Variants in COPA observed in about 807,000 individuals in gnomAD.
The protein encoded by COPA is coatomer subunit alpha.
Under a neutral mutation model 158.7 loss-of-function variants are expected in COPA, and 10 were observed. That is an observed-to-expected ratio of 0.06 (90% CI 0.04 to 0.11). The LOEUF (loss-of-function observed/expected upper bound fraction) is 0.11. Among genes scored for constraint, COPA ranks in the 10% least tolerant of loss-of-function variants. COPA has a pLI of 1.00. For missense variants in COPA, 1,065 were observed against 1,536.7 expected (o/e 0.69, Z 5.13); for synonymous variants, 462 against 542.8 (o/e 0.85, Z 2.07).
chr1:160,296,504 A>G (rs1433570406), intron 21 of COPA, among the ~76,000 whole-genome samples: 2 of 152,194 alleles, frequency 1.3e-5, no homozygotes, highest in Admixed American at 6.5e-5. Context: ...GAGCAAGGAC[A>G]TGGGGGCTGC....
chr1:160,337,313 A>G (rs1018484282), intron 3 of COPA, among the ~76,000 whole-genome samples: 1 of 152,244 alleles, frequency 6.6e-6, no homozygotes, highest in African/African-American at 2.4e-5. Flanking sequence ...CTAATGCTAC[A>G]TTTATCTGGA....
chr1:160,294,589 C>A lies in COPA; in HGVS notation c.2571G>T (p.Gly857=), dbSNP rs777771731. ...EDAELQLDED[G]FVEATEGLGD... ...CCAAACCTTCTGTAGCCTCCACAAA[C>A]CCATCTGTAAGGAAAATTCAAGCTC... Residue 857 remains glycine (G), a synonymous_variant, in exon 25 of 33, where the codon GGG becomes GGT. Transcript: ENST00000241704. The A allele has an allele frequency of 6.2e-7, 1 of 1,614,186 alleles. No individual in the cohort carries two copies. Among genetic ancestry groups the A allele is most frequent in the South Asian group, 1.1e-5 (1 of 91,082 alleles).
chr1:160,298,804 C>T (rs1374318602), intron 19 of COPA, 41 bp downstream of exon 19: 3 of 1,611,974 alleles, frequency 1.9e-6, no homozygotes, highest in Non-Finnish European at 8.5e-7. Flanking sequence ...AACTCTCTCA[C>T]CTCTAAGACA....
chr1:160,309,078 G>C, intron 13 of COPA, 23 bp downstream of exon 13: 1 of 1,590,124 alleles, frequency 6.3e-7, no homozygotes, highest in Non-Finnish European at 8.6e-7. Context: ...AAGCAGAGTG[G>C]GGTAGACAAA....
intron 17 of COPA, among the ~76,000 whole-genome samples, chr1:160,301,388 GA>G (rs1658597746): frequency 6.6e-6 from 1 of 152,144 alleles, no homozygotes; most frequent in Admixed American, 6.5e-5. Context: ...TCCAAAATCA[GA>G]AAAAAATCAG....
In COPA at chr1:160,289,334, A is replaced by G. The variant is rs1396447786; in HGVS notation, c.*823T>C. 6.6e-6 allele frequency: 1 copy of G among 152,208 alleles called. No homozygotes were observed. Among genetic ancestry groups the G allele is most frequent in the African/African-American group, 2.4e-5 (1 of 41,458 alleles). 9.4% of individuals were successfully genotyped at this position (152,208 alleles called of 1,614,324 possible). A position where few individuals can be genotyped will look rare whatever the true frequency, so the allele number is the denominator to read the frequency against. On this transcript the variant is annotated 3_prime_UTR_variant, in exon 33 of 33. Coordinates refer to ENST00000241704, the MANE Select transcript of COPA (RefSeq NM_004371.4). ...AATATGAGAACAATAGTTGTAAAGA[A>G]CAAATCAATAACCCGCAGTGTGCAT...
intron 6 of COPA, among the ~76,000 whole-genome samples, chr1:160,331,469 A>G (rs1234843237): frequency 1.3e-5 from 2 of 152,030 alleles, no homozygotes; most frequent in Non-Finnish European, 2.9e-5. Flanking sequence ...CCTGGCTAAC[A>G]TGGTGAAACC....
intron 13 of COPA, among the ~76,000 whole-genome samples, chr1:160,307,577 C>A (rs1388547077): frequency 6.6e-6 from 1 of 152,232 alleles, no homozygotes; most frequent in African/African-American, 2.4e-5. Flanking sequence ...CCTGGCCAAG[C>A]TGCGGCAAAG....
chr1:160,300,891 G>A (rs1487773764), intron 17 of COPA, among the ~76,000 whole-genome samples: 3 of 152,304 alleles, frequency 2.0e-5, no homozygotes, highest in East Asian at 1.9e-4. Context: ...GGCTGAGGCA[G>A]GCGGATCACC....
intron 28 of COPA, 93 bp downstream of exon 28, chr1:160,292,391 C>T (rs924033887): frequency 1.3e-6 from 2 of 1,599,012 alleles, no homozygotes; most frequent in African/African-American, 1.4e-5. Flanking sequence ...GAAACCCTAG[C>T]TCTGAGAGAA....
At chr1:160,332,103 C>G (rs1647555064) in intron 6 of COPA, among the ~76,000 whole-genome samples, 1 of 152,166 alleles carries the variant, frequency 6.6e-6, no homozygotes, top group Non-Finnish European at 1.5e-5. Context: ...AATCTATTCT[C>G]AAAATTTCTT....
intron 8 of COPA, among the ~76,000 whole-genome samples, chr1:160,320,856 C>T (rs183995917): frequency 2.1e-4 from 31 of 146,150 alleles, no homozygotes; most frequent in African/African-American, 6.8e-4. Flanking sequence ...TCTATGAGGC[C>T]AGCATTACTC....
At position 160,327,462 on chromosome 1, in the gene COPA, G is replaced by A. The variant is rs186332795; in HGVS notation, c.497-1810C>T. On this transcript the variant is annotated intron_variant, in intron 6 of 32. Transcript: ENST00000241704. Reference sequence around the variant, plus strand: ...TGAGGCAGGGGAATTGCTTGAACCCGGGGGGCGGGGCTGGGGGGGGCGCAG... The same window carrying A: ...TGAGGCAGGGGAATTGCTTGAACCCAGGGGGCGGGGCTGGGGGGGGCGCAG... Among the ~76,000 whole-genome samples the A allele has an allele frequency of 3.7e-3, 555 of 150,720 alleles. 2 individuals are homozygous for A. Among genetic ancestry groups the A allele is most frequent in the Non-Finnish European group, 6.2e-3 (417 of 67,672 alleles).
At chr1:160,340,067 C>A (rs762744552) in intron 2 of COPA, 85 bp from the exon 3 acceptor site, 52 of 1,533,076 alleles carry the variant, frequency 3.4e-5, no homozygotes, top group Middle Eastern at 3.4e-4. Context: ...TTTTTCAGTT[C>A]TATCATTTCC....
chr1:160,331,835 C>T (rs560921608), intron 6 of COPA, among the ~76,000 whole-genome samples: 1 of 152,058 alleles, frequency 6.6e-6, no homozygotes, highest in East Asian at 1.9e-4. Flanking sequence ...GTAGTCCCAG[C>T]TACTCAGGAG....
In COPA at chr1:160,293,371, T is replaced by C. The variant is rs369096293; in HGVS notation, c.2754+15A>G. ...AGCCACTCATCCCTGCCGTGCTAGGTTTCTTCCCGCTTACCTGAGTTGGAC... is the reference window on the plus strand; with the variant it reads ...AGCCACTCATCCCTGCCGTGCTAGGCTTCTTCCCGCTTACCTGAGTTGGAC... On this transcript the variant is annotated intron_variant, in intron 26 of 32. Transcript: ENST00000241704. 1.6e-5 allele frequency: 26 copies of C among 1,613,380 alleles called. No individual in the cohort carries two copies. In the African/African-American group the frequency reaches 3.2e-4, roughly 20 times the overall value.
rs748305561 is a variant in COPA, at chr1:160,291,348, T to G, written c.3407A>C (p.Glu1136Ala). ...RRLLELGPKP[E>A]VAQQTRKILS... ...AGTTCCATCTACCTGTTGGGCCACC[T>G]CAGGCTTGGGCCCGAGTTCTAGTAG... The change falls in exon 31 of 33, where the codon GAG becomes GCG. Residue 1136 changes from glutamate to alanine, a missense_variant. Physicochemically the swap from Glu to Ala is moderately radical, Grantham distance 107. Coordinates refer to ENST00000241704, the MANE Select transcript of COPA (RefSeq NM_004371.4). The G allele has an allele frequency of 6.2e-7, 1 of 1,613,580 alleles. No individual in the cohort carries two copies. The highest frequency in any genetic ancestry group is 1.7e-5 in the Admixed American group (1 of 59,998).
intron 17 of COPA, among the ~76,000 whole-genome samples, chr1:160,299,957 CAT>C (rs1209858562): frequency 3.3e-5 from 5 of 152,060 alleles, no homozygotes; most frequent in African/African-American, 1.2e-4. Flanking sequence ...ATAAGCCTCT[CAT>C]GAGGGTAATT....
chr1:160,312,890 T>C (rs1379872279), intron 10 of COPA, among the ~76,000 whole-genome samples, 195 bp downstream of exon 10: 2 of 152,190 alleles, frequency 1.3e-5, no homozygotes, highest in Non-Finnish European at 2.9e-5. Context: ...CTTCAAAGCA[T>C]TTTTCACCAC....
Sources: allele counts gnomAD v4.1 joint callset (sites outside exome capture counted in the v4.1 genomes callset), GRCh38; gene constraint gnomAD v4.1.1; transcripts MANE v1.5; gene names NCBI Gene and HGNC (gene_info 2026-07-23, HGNC 2026-07-21).